MAST4: variants seen among roughly 807,000 people sequenced by gnomAD.
MAST4 encodes the protein microtubule-associated serine/threonine-protein kinase 4.
MAST4 carries 89 observed loss-of-function variants against 162.7 expected under a neutral mutation model. The observed-to-expected ratio is 0.55, with a 90% confidence interval of 0.46 to 0.65. MAST4 has a LOEUF of 0.65. MAST4 is among the 30% of genes least tolerant of loss of function. MAST4 has a pLI of 0.00. For missense variants in MAST4, 3,153 were observed against 3,374.0 expected, an observed-to-expected ratio of 0.93 and a Z score of 1.62; for synonymous variants, 1,479 against 1,361.1, an observed-to-expected ratio of 1.09 and a Z score of -1.91.
chr5:66,844,139 C>G (rs1291401745), intron 3 of MAST4, among the ~76,000 whole-genome samples: 5 of 104,556 alleles, frequency 4.8e-5, no homozygotes, highest in East Asian at 3.0e-4. Flanking sequence ...CCCAGTCAGC[C>G]TGTGTGTGTG....
At chr5:66,921,612 T>C (rs1387298316) in intron 4 of MAST4, among the ~76,000 whole-genome samples, 2 of 151,894 alleles carry the variant, frequency 1.3e-5, no homozygotes, top group Non-Finnish European at 2.9e-5. Flanking sequence ...ATACAAAAAT[T>C]AGCCGGTATG....
At chr5:67,016,528 A>G (rs1328283141) in intron 4 of MAST4, among the ~76,000 whole-genome samples, 1 of 152,192 alleles carries the variant, frequency 6.6e-6, no homozygotes, top group Non-Finnish European at 1.5e-5. Context: ...GAGGGAAGAG[A>G]GTGAAAAATA....
intron 1 of MAST4, among the ~76,000 whole-genome samples, chr5:66,657,931 C>G (rs1346580013): frequency 6.6e-6 from 1 of 152,106 alleles, no homozygotes. Context: ...TAAAATCCTC[C>G]ATAGTGCTTT....
At chr5:67,039,294 A>G (rs942979435) in intron 4 of MAST4, among the ~76,000 whole-genome samples, 1 of 152,220 alleles carries the variant, frequency 6.6e-6, no homozygotes, top group Admixed American at 6.5e-5. Flanking sequence ...ATTATTCACA[A>G]TCCCTTTCAA....
intron 27 of MAST4, 88 bp downstream of exon 27, chr5:67,160,680 A>T (rs1581764830): frequency 7.1e-7 from 1 of 1,418,090 alleles, no homozygotes; most frequent in Admixed American, 2.3e-5. Context: ...TATATGAAGA[A>T]GATCTATTTT....
intron 4 of MAST4, among the ~76,000 whole-genome samples, chr5:66,910,755 CTTTTTTTT>C: frequency 3.5e-5 from 1 of 28,886 alleles, no homozygotes; most frequent in Non-Finnish European, 8.4e-5. Flanking sequence ...TTTTTTTTTT[CTTTTTTTT>C]TTTTTTGAGA....
rs146480067 is a variant in MAST4 at position 66,798,422 on chromosome 5, C to T, written c.642+9628C>T. Among the ~76,000 whole-genome samples, 472 of 152,334 alleles carry T rather than the reference C, an allele frequency of 3.1e-3. 2 individuals carry two copies. Among genetic ancestry groups the T allele is most frequent in the Non-Finnish European group, 4.9e-3 (335 of 68,022 alleles). On this transcript the variant is annotated intron_variant, in intron 3 of 28. Transcript: ENST00000403625. Reference sequence around the variant, plus strand: ...TGATAATTCTGATCCCATACTAGGACTGGCTGTCATTCCAAGCCCTAGTGC... The same window carrying T: ...TGATAATTCTGATCCCATACTAGGATTGGCTGTCATTCCAAGCCCTAGTGC...
At chr5:66,792,142 A>G (rs1371737133) in intron 3 of MAST4, 1 of 166,714 alleles carries the variant, frequency 6.0e-6, no homozygotes, top group Non-Finnish European at 1.5e-5. Flanking sequence ...AGAAGTGGGA[A>G]TGTACACCTT....
chr5:66,910,621 A>T (rs1414054203), intron 4 of MAST4, among the ~76,000 whole-genome samples: 2 of 152,036 alleles, frequency 1.3e-5, no homozygotes, highest in Non-Finnish European at 2.9e-5. Context: ...ACAGGAAAAT[A>T]CCACACCAAA....
chr5:66,759,533 G>A (rs541941049), intron 1 of MAST4, among the ~76,000 whole-genome samples, 176 bp from the exon 2 acceptor site: 18 of 152,320 alleles, frequency 1.2e-4, no homozygotes, highest in South Asian at 4.1e-4. Flanking sequence ...CTCTCTTTCG[G>A]AAGGAAGATG....
At chr5:66,887,701 G>A (rs988575833) in intron 3 of MAST4, among the ~76,000 whole-genome samples, 1 of 152,154 alleles carries the variant, frequency 6.6e-6, no homozygotes, top group African/African-American at 2.4e-5. Context: ...GCAGGATAGT[G>A]GTAAGGCTTA....
At chr5:67,099,188 G>A (rs1263329678) in intron 7 of MAST4, among the ~76,000 whole-genome samples, 2 of 151,190 alleles carry the variant, frequency 1.3e-5, no homozygotes, top group Non-Finnish European at 2.9e-5. Flanking sequence ...TTTTTTTCTT[G>A]ATTTCTTGAC....
rs763999173 is a variant in MAST4 at position 67,131,831 on chromosome 5, T to A, written c.1973T>A (p.Leu658Ter). The change falls in exon 16 of 29, where the codon TTA becomes TAA. Residue 658 changes from leucine to a stop codon, truncating the protein, a stop_gained. Transcript: ENST00000403625. LOFTEE classifies it high-confidence loss of function. ...EYVEGGDCAT[L>*]MKNMGPLPVD... ...GTTACAGGGGGAGACTGTGCTACTTTAATGAAAAACATGGGTCCTCTCCCT... is the reference window on the plus strand; with the variant it reads ...GTTACAGGGGGAGACTGTGCTACTTAAATGAAAAACATGGGTCCTCTCCCT... The A allele has an allele frequency of 1.2e-6, 2 of 1,613,134 alleles. No homozygotes were observed. The highest frequency in any genetic ancestry group is 8.5e-7 in the Non-Finnish European group (1 of 1,179,280).
chr5:66,901,817 TA>T (rs1418635894), intron 4 of MAST4, among the ~76,000 whole-genome samples: 2,398 of 152,264 alleles, frequency 0.016, 58 homozygotes, highest in African/African-American at 0.055. Context: ...TGATGCCTCA[TA>T]TAGCTGTGCT....
chr5:66,786,208 A>C (rs1412871059), intron 2 of MAST4, among the ~76,000 whole-genome samples: 2 of 152,308 alleles, frequency 1.3e-5, no homozygotes, highest in Middle Eastern at 6.8e-3. Context: ...AGATTTTTCA[A>C]ATTCTTCACT....
intron 14 of MAST4, among the ~76,000 whole-genome samples, 152 bp from the exon 15 acceptor site, chr5:67,130,058 A>G (rs1768776612): frequency 6.6e-6 from 1 of 152,172 alleles, no homozygotes; most frequent in African/African-American, 2.4e-5. Context: ...TTAGCCTGGG[A>G]TGGGATGTTT....
At chr5:66,728,596 A>G (rs989028625) in intron 1 of MAST4, among the ~76,000 whole-genome samples, 5 of 152,228 alleles carry the variant, frequency 3.3e-5, no homozygotes, top group African/African-American at 1.2e-4. Flanking sequence ...TGGAAATGTC[A>G]TGACTAAGAG....
chr5:66,772,839 G>C (rs1467932736), intron 2 of MAST4, among the ~76,000 whole-genome samples: 1 of 152,156 alleles, frequency 6.6e-6, no homozygotes, highest in Admixed American at 6.5e-5. Flanking sequence ...AGGTCCCTTT[G>C]AGTTGAGTAG....
intron 4 of MAST4, among the ~76,000 whole-genome samples, chr5:66,939,904 A>G (rs1400837469): frequency 1.3e-5 from 2 of 152,122 alleles, no homozygotes; most frequent in Non-Finnish European, 2.9e-5. Flanking sequence ...TCTGTCTACA[A>G]AAACAATGTA....
Sources: gnomAD v4.1 joint callset for allele counts (sites outside exome capture counted in the v4.1 genomes callset) on GRCh38, gnomAD v4.1.1 for gene constraint, MANE v1.5 for transcripts, NCBI Gene and HGNC (gene_info 2026-07-23, HGNC 2026-07-21) for gene names.